TMCC2: variants seen among roughly 807,000 people sequenced by gnomAD.
TMCC2 encodes the protein transmembrane and coiled-coil domains protein 2.
Under a neutral mutation model 49.4 loss-of-function variants are expected in TMCC2, and 16 were observed. The observed-to-expected ratio is 0.32, with a 90% CI of 0.22 to 0.49. TMCC2 has a LOEUF of 0.49. Ranked by LOEUF, TMCC2 falls within the 20% of genes least tolerant of loss-of-function variation. The pLI, the probability that TMCC2 is intolerant of heterozygous loss-of-function variation, is 0.99. For synonymous variants in TMCC2, 397 were observed against 434.1 expected, an observed-to-expected ratio of 0.91 and a Z score of 1.06; for missense variants, 762 against 989.8, an observed-to-expected ratio of 0.77 and a Z score of 3.09.
At chr1:205,247,763 C>G (rs1660507909) in intron 2 of TMCC2, among the ~76,000 whole-genome samples, 1 of 152,054 alleles carries the variant, frequency 6.6e-6, no homozygotes, top group African/African-American at 2.4e-5. Flanking sequence ...CCCACTCCCC[C>G]ACACCCCCTG....
chr1:205,246,836 A>AG (rs1166796944), intron 2 of TMCC2: 4 of 792,676 alleles, frequency 5.0e-6, no homozygotes, highest in Non-Finnish European at 7.8e-6. Context: ...CCTCCTGAGC[A>AG]GGGGGAAGAC....
intron 2 of TMCC2, among the ~76,000 whole-genome samples, chr1:205,257,563 C>A (rs1364071112): frequency 6.6e-6 from 1 of 152,212 alleles, no homozygotes; most frequent in Non-Finnish European, 1.5e-5. Context: ...GCTGGGAGAG[C>A]CCCTGGGGTT....
intron 1 of TMCC2, chr1:205,229,136 T>C: frequency 1.7e-5 from 19 of 1,120,992 alleles, no homozygotes; most frequent in South Asian, 2.5e-5. Context: ...TGAGTAAGTC[T>C]CTACCCATTG....
In TMCC2 at chr1:205,264,993, C is replaced by T. The variant is rs1295237937; in HGVS notation, c.748-3957C>T. Among the ~76,000 whole-genome samples, 2 of 152,172 alleles carry T rather than the reference C, an allele frequency of 1.3e-5. No individual in the cohort carries two copies. Among genetic ancestry groups the T allele is most frequent in the African/African-American group, 4.8e-5 (2 of 41,432 alleles). On this transcript the variant is annotated intron_variant, in intron 2 of 4. Coordinates refer to ENST00000358024, the MANE Select transcript of TMCC2 (RefSeq NM_014858.4). This position sits in a 1 kb window ranked among gnomAD's most constrained non-coding sequence, Gnocchi z 4.2. ...TTTCTGGAAGCCAGTGGAACTGAGTCCTCCACAGGGAAGAGAATAAAATGG... is the reference window on the plus strand; with the variant it reads ...TTTCTGGAAGCCAGTGGAACTGAGTTCTCCACAGGGAAGAGAATAAAATGG...
intron 2 of TMCC2, among the ~76,000 whole-genome samples, chr1:205,261,184 A>AACACTTAT (rs1404927534): frequency 6.8e-6 from 1 of 148,042 alleles, no homozygotes; most frequent in Non-Finnish European, 1.5e-5. Context: ...CATGCTCACC[A>AACACTTAT]ACACTTATTT....
intron 2 of TMCC2, among the ~76,000 whole-genome samples, chr1:205,260,985 C>T (rs868363888): frequency 2.0e-5 from 3 of 152,200 alleles, no homozygotes; most frequent in African/African-American, 7.2e-5. Flanking sequence ...CTGCTATGAG[C>T]ATTTGTGTAC....
At chr1:205,252,584 A>C (rs1470363260) in intron 2 of TMCC2, among the ~76,000 whole-genome samples, 1 of 152,220 alleles carries the variant, frequency 6.6e-6, no homozygotes, top group Non-Finnish European at 1.5e-5. Context: ...ACCATTTTCC[A>C]AACCTCCATT....
Position 205,230,165 on chromosome 1 carries a change from C to T in TMCC2, c.207+1394C>T, listed in dbSNP as rs942776402. The T allele has an allele frequency of 1.2e-5, 12 of 985,460 alleles. No homozygotes were observed. In the South Asian group the frequency reaches 4.2e-4, roughly 35 times the overall value. The allele number at this position is 985,460 out of a possible 1,614,324, so 61.0% of individuals were successfully genotyped here. On this transcript the variant is annotated intron_variant, in intron 1 of 4. Transcript: ENST00000358024. Reference sequence around the variant, plus strand: ...GCAGCTCAGAGTCAGGAAGTCAGAGCGCAGGTGAGTGTGTGTGCTCTTACC... The same window carrying T: ...GCAGCTCAGAGTCAGGAAGTCAGAGTGCAGGTGAGTGTGTGTGCTCTTACC...
chr1:205,266,316 C>T (rs1360470610), intron 2 of TMCC2, among the ~76,000 whole-genome samples: 5 of 150,178 alleles, frequency 3.3e-5, no homozygotes, highest in Non-Finnish European at 7.4e-5. Flanking sequence ...TTGGGCCGGG[C>T]GCGGTGACTC....
At chr1:205,245,331 G>C (rs893061341) in intron 2 of TMCC2, among the ~76,000 whole-genome samples, 1 of 152,208 alleles carries the variant, frequency 6.6e-6, no homozygotes, top group Non-Finnish European at 1.5e-5. Flanking sequence ...GAGGCAGCTT[G>C]TTTGTTGTGG....
rs927255026 is a variant in TMCC2, at chr1:205,228,624, G to C, written c.60G>C (p.Gly20=). 1.2e-6 allele frequency: 2 copies of C among 1,613,316 alleles called. No homozygotes were observed. The highest frequency in any genetic ancestry group is 1.7e-6 in the Non-Finnish European group (2 of 1,179,792). Residue 20 remains glycine (G), a synonymous_variant, in exon 1 of 5, where the codon GGG becomes GGC. Coordinates refer to ENST00000358024, the MANE Select transcript of TMCC2 (RefSeq NM_014858.4). ...QQQQGEEDGA[G]LEDAASHLPG... is the part of the protein sequence containing the mutation. ...AACAGGGCGAGGAGGATGGAGCTGG[G>C]CTGGAAGATGCCGCTTCCCACCTGC...
intron 1 of TMCC2, among the ~76,000 whole-genome samples, chr1:205,240,822 T>C (rs1266881072): frequency 6.6e-6 from 1 of 152,194 alleles, no homozygotes; most frequent in Non-Finnish European, 1.5e-5. Flanking sequence ...GCAAAAGTGC[T>C]CCCAGAAGCT....
rs1661221855 is a variant in TMCC2, at chr1:205,264,066, TAA to T, written c.748-4883_748-4882del. On this transcript the variant is annotated intron_variant, in intron 2 of 4. Coordinates refer to ENST00000358024, the MANE Select transcript of TMCC2 (RefSeq NM_014858.4). The surrounding 1 kb of genome is among the most constrained non-coding windows in gnomAD (Gnocchi z 4.2). Reference sequence around the variant, plus strand: ...AGGTTAATACTGGGATTAAATGAATTAATAGGTGTAAACACTGAGAGACAAGT... The same window carrying T: ...AGGTTAATACTGGGATTAAATGAATTTAGGTGTAAACACTGAGAGACAAGT... Among the ~76,000 whole-genome samples the T allele has an allele frequency of 1.3e-5, 2 of 152,174 alleles. No individual in the cohort carries two copies. The highest frequency in any genetic ancestry group is 2.9e-5 in the Non-Finnish European group (2 of 68,032).
intron 1 of TMCC2, chr1:205,230,045 A>G (rs1412082368): frequency 1.0e-6 from 1 of 985,312 alleles, no homozygotes; most frequent in Admixed American, 6.1e-5. Flanking sequence ...GGAAACGGAA[A>G]GGACTCTGTT....
chr1:205,229,545 C>CGGCG (rs1659698927), intron 1 of TMCC2: 1 of 298,366 alleles, frequency 3.4e-6, no homozygotes, highest in African/African-American at 2.0e-4. Context: ...TGTGAAGGGG[C>CGGCG]GGGGGGGGGG....
intron 2 of TMCC2, among the ~76,000 whole-genome samples, chr1:205,253,581 G>A (rs540621857): frequency 6.6e-6 from 1 of 152,362 alleles, no homozygotes; most frequent in South Asian, 2.1e-4. Flanking sequence ...CAGAGAGGAG[G>A]CGCCCCAGGG....
intron 2 of TMCC2, among the ~76,000 whole-genome samples, chr1:205,247,200 G>A (rs1283731414): frequency 2.0e-5 from 3 of 152,170 alleles, no homozygotes; most frequent in Non-Finnish European, 2.9e-5. Context: ...GAAGTTGGCA[G>A]AGCAGGTGTT....
chr1:205,229,512 G>A, intron 1 of TMCC2: 2 of 550,488 alleles, frequency 3.6e-6, no homozygotes, highest in Non-Finnish European at 4.5e-6. Flanking sequence ...GCGCTTTCCT[G>A]GATGAAGCTC....
At chr1:205,238,920 G>A (rs868405903) in intron 1 of TMCC2, among the ~76,000 whole-genome samples, 2 of 152,112 alleles carry the variant, frequency 1.3e-5, no homozygotes, top group African/African-American at 4.8e-5. Flanking sequence ...AGTATAAATC[G>A]GAACGCACTT....
Sources: gnomAD v4.1 joint callset for allele counts (sites outside exome capture counted in the v4.1 genomes callset) on GRCh38, gnomAD v4.1.1 for gene constraint, Gnocchi (gnomAD v3.1) non-coding constraint, MANE v1.5 for transcripts, NCBI Gene and HGNC (gene_info 2026-07-23, HGNC 2026-07-21) for gene names.